The following CDK5RAP2 variants were observed in gnomAD, a reference collection of about 807,000 sequenced individuals.
The protein encoded by CDK5RAP2 is CDK5 regulatory subunit associated protein 2, also known as CDK5 regulatory subunit-associated protein 2.
CDK5RAP2 carries 147 observed loss-of-function variants against 232.9 expected under a neutral mutation model. The observed-to-expected ratio is 0.63, with a 90% CI of 0.55 to 0.72. CDK5RAP2 has a LOEUF of 0.72. Ranked by LOEUF, CDK5RAP2 falls within the 30% of genes least tolerant of loss-of-function variation. The pLI is 0.00. For synonymous variants in CDK5RAP2, 833 were observed against 833.7 expected, an observed-to-expected ratio of 1.00 and a Z score of 0.01; for missense variants, 2,195 against 2,231.5, an observed-to-expected ratio of 0.98 and a Z score of 0.33.
At chr9:120,528,821 T>G (rs1564343197) in intron 8 of CDK5RAP2, 24 bp from the exon 9 acceptor site, 1 of 1,575,512 alleles carries the variant, frequency 6.3e-7, no homozygotes, top group South Asian at 1.1e-5. Flanking sequence ...TTAATTGGTG[T>G]GAAGAAGGGA....
intron 1 of CDK5RAP2, among the ~76,000 whole-genome samples, chr9:120,572,510 C>G (rs1476424655): frequency 6.6e-6 from 1 of 152,204 alleles, no homozygotes; most frequent in Non-Finnish European, 1.5e-5. Flanking sequence ...CTATCACCAC[C>G]TCTGGGAATC....
chr9:120,456,092 T>A (rs2036758251), intron 20 of CDK5RAP2, among the ~76,000 whole-genome samples: 2 of 152,014 alleles, frequency 1.3e-5, no homozygotes, highest in South Asian at 2.1e-4. Flanking sequence ...GGGAAAAAAA[T>A]TCATAAGAGG....
At chr9:120,517,919 A>G in intron 12 of CDK5RAP2, 1 of 294,240 alleles carries the variant, frequency 3.4e-6, no homozygotes, top group Admixed American at 4.0e-5. Flanking sequence ...GAATCAGTGG[A>G]TAAATATTTA....
intron 3 of CDK5RAP2, among the ~76,000 whole-genome samples, chr9:120,559,929 T>C (rs933222983): frequency 6.6e-6 from 1 of 152,116 alleles, no homozygotes; most frequent in South Asian, 2.1e-4. Flanking sequence ...TGAAGTTCCA[T>C]CTAAAAGGGA....
Position 120,411,343 on chromosome 9 carries a change from T to A in CDK5RAP2, c.4414+15A>T. On this transcript the variant is annotated intron_variant, in intron 29 of 37. Coordinates refer to ENST00000349780, the MANE Select transcript of CDK5RAP2 (RefSeq NM_018249.6). ...TTTGGCGTTCCAGACTTCCAGTGAC[T>A]CCTTTAACTCTTACCTCTGGATCCT... 2.7e-6 allele frequency: 4 copies of A among 1,457,696 alleles called. No homozygotes were observed. The highest frequency in any genetic ancestry group is 3.9e-6 in the Non-Finnish European group (4 of 1,037,134). 90.3% of individuals were successfully genotyped at this position (1,457,696 alleles called of 1,614,324 possible).
At chr9:120,459,849 C>T (rs529333527) in intron 19 of CDK5RAP2, among the ~76,000 whole-genome samples, 46 of 152,292 alleles carry the variant, frequency 3.0e-4, no homozygotes, top group African/African-American at 1.1e-3. Flanking sequence ...AACTTGAACA[C>T]CCTGAAGGCC....
intron 22 of CDK5RAP2, among the ~76,000 whole-genome samples, chr9:120,446,547 T>G (rs1300158421): frequency 6.6e-6 from 1 of 152,198 alleles, no homozygotes. Context: ...ACTTTAAGGC[T>G]TAAGTCAAAT....
At chr9:120,510,251 C>T (rs1009929168) in intron 12 of CDK5RAP2, among the ~76,000 whole-genome samples, 12 of 152,128 alleles carry the variant, frequency 7.9e-5, no homozygotes, top group South Asian at 4.1e-4. Flanking sequence ...GCTGGGTGAC[C>T]GGTACGACTT....
intron 13 of CDK5RAP2, among the ~76,000 whole-genome samples, chr9:120,489,123 G>A (rs369310308): frequency 3.3e-5 from 5 of 152,206 alleles, no homozygotes; most frequent in Non-Finnish European, 7.3e-5. Flanking sequence ...AGTACAGAAC[G>A]CTGAATTGGA....
chr9:120,530,037 A>G lies in CDK5RAP2; in HGVS notation c.766T>C (p.Ser256Pro). ...GCACAAAGTCCTCGGAGCTCTCCAG[A>G]TGACACATTCTCATCAGGACATGCC... ...QMACPDENVS[S>P]GELRGLCAAP... is the part of the protein sequence containing the mutation. The change falls in exon 8 of 38, where the codon TCT becomes CCT. Residue 256 changes from serine (S) to proline (P), a missense_variant. Ser to Pro is a moderately conservative substitution (Grantham distance 74, BLOSUM62 -1). Coordinates refer to ENST00000349780, the MANE Select transcript of CDK5RAP2 (RefSeq NM_018249.6). The G allele has an allele frequency of 6.2e-7, 1 of 1,613,904 alleles. No homozygotes were observed. The highest frequency in any genetic ancestry group is 2.2e-5 in the East Asian group (1 of 44,890).
chr9:120,532,957 C>T (rs1419069311), intron 7 of CDK5RAP2, among the ~76,000 whole-genome samples: 2 of 152,108 alleles, frequency 1.3e-5, no homozygotes, highest in African/African-American at 2.4e-5. Context: ...GTGGCACATG[C>T]TAACAGGACC....
chr9:120,465,141 T>C (rs950566410), intron 18 of CDK5RAP2, among the ~76,000 whole-genome samples: 11 of 152,160 alleles, frequency 7.2e-5, no homozygotes, highest in African/African-American at 9.7e-5. Context: ...TAAATAATAA[T>C]AGTGACTAAC....
At chr9:120,505,320 C>T (rs910806538) in intron 12 of CDK5RAP2, among the ~76,000 whole-genome samples, 11 of 152,154 alleles carry the variant, frequency 7.2e-5, no homozygotes, top group African/African-American at 2.7e-4. Flanking sequence ...TCAAATCACA[C>T]CCATATAAGA....
chr9:120,547,680 G>A (rs1437716835), intron 4 of CDK5RAP2, among the ~76,000 whole-genome samples: 1 of 152,142 alleles, frequency 6.6e-6, no homozygotes, highest in Admixed American at 6.5e-5. Flanking sequence ...AGCAGCCCTA[G>A]AGAAGCAAGT....
At chr9:120,429,624 G>C (rs1288808686) in intron 25 of CDK5RAP2, among the ~76,000 whole-genome samples, 2 of 152,126 alleles carry the variant, frequency 1.3e-5, no homozygotes, top group Admixed American at 6.5e-5. Context: ...ACAAACAAAT[G>C]GAAGAACATT....
chr9:120,423,110 G>T (rs2131383516), intron 25 of CDK5RAP2, among the ~76,000 whole-genome samples: 1 of 152,190 alleles, frequency 6.6e-6, no homozygotes, highest in Admixed American at 6.5e-5. Context: ...CCAAGTTACT[G>T]GATTTCTTTC....
chr9:120,530,770 C>T (rs1440668296), intron 7 of CDK5RAP2, among the ~76,000 whole-genome samples: 1 of 149,382 alleles, frequency 6.7e-6, no homozygotes, highest in Non-Finnish European at 1.5e-5. Flanking sequence ...GAAAACCAAA[C>T]ACTGCGTGTT....
rs757755545 is a variant in CDK5RAP2 at position 120,458,513 on chromosome 9, C to T, written c.2312G>A (p.Gly771Asp). The change falls in exon 20 of 38, where the codon GGT (glycine) becomes GAT (aspartate). Residue 771 changes from glycine to aspartate, a missense_variant. Physicochemically the swap from Gly to Asp is moderately conservative, Grantham distance 94 (BLOSUM62 -1). Coordinates refer to ENST00000349780, the MANE Select transcript of CDK5RAP2 (RefSeq NM_018249.6). ...GAHAPGCLEE[G>D]AFINLLAPLF... ...AGGGGCAAGCAGGTTTATGAATGCA[C>T]CTTCTTCTAGGCAGCCAGGTGCGTG... 1.8e-5 allele frequency: 29 copies of T among 1,614,086 alleles called. No homozygotes were observed. The Admixed American group carries it at 4.7e-4, about 26-fold the overall frequency.
At chr9:120,517,896 A>G in intron 12 of CDK5RAP2, 1 of 337,072 alleles carries the variant, frequency 3.0e-6, no homozygotes, top group South Asian at 2.5e-5. Flanking sequence ...CCTGTCTCAA[A>G]AAAAACAACA....
Sources: gnomAD v4.1 joint callset for allele counts (sites outside exome capture counted in the v4.1 genomes callset) on GRCh38, gnomAD v4.1.1 for gene constraint, MANE v1.5 for transcripts, NCBI Gene and HGNC (gene_info 2026-07-23, HGNC 2026-07-21) for gene names.